MACROD2: variants seen among roughly 807,000 people sequenced by gnomAD.
The protein encoded by MACROD2 is ADP-ribose glycohydrolase MACROD2.
A neutral mutation model predicts 70.4 loss-of-function variants in MACROD2; 36 were observed. The ratio of observed to expected loss-of-function variants is 0.51; its 90% CI spans 0.39 to 0.68. The LOEUF is 0.68. Ranked by LOEUF, MACROD2 falls within the 30% of genes least tolerant of loss-of-function variation. The pLI is 0.00. For synonymous variants in MACROD2, 172 were observed against 178.8 expected, an observed-to-expected ratio of 0.96 and a Z score of 0.30; for missense variants, 496 against 538.4, an observed-to-expected ratio of 0.92 and a Z score of 0.78.
At chr20:15,933,249 T>G (rs1389772338) in intron 10 of MACROD2, 27 bp from the exon 11 acceptor site, 1 of 1,610,918 alleles carries the variant, frequency 6.2e-7, no homozygotes, top group East Asian at 2.2e-5. Flanking sequence ...TTGATGCATT[T>G]TTTTTCCTCT....
chr20:15,921,480 A>C (rs996190454), intron 10 of MACROD2, among the ~76,000 whole-genome samples: 2 of 151,692 alleles, frequency 1.3e-5, no homozygotes, highest in South Asian at 4.2e-4. Context: ...TCTTCACTCC[A>C]CCTGGAGCGA....
chr20:16,018,090 G>A (rs1438571866), intron 15 of MACROD2, among the ~76,000 whole-genome samples: 3 of 152,162 alleles, frequency 2.0e-5, no homozygotes, highest in Non-Finnish European at 2.9e-5. Flanking sequence ...CATTTCACTT[G>A]AGAGATGGGG....
At chr20:14,770,470 ATGT>A (rs1456113594) in intron 5 of MACROD2, among the ~76,000 whole-genome samples, 2 of 152,066 alleles carry the variant, frequency 1.3e-5, no homozygotes, top group East Asian at 3.9e-4. Context: ...TTTGTTCTAT[ATGT>A]TTATACTGAG....
At chr20:15,819,889 T>A (rs1279614879) in intron 8 of MACROD2, among the ~76,000 whole-genome samples, 1 of 152,182 alleles carries the variant, frequency 6.6e-6, no homozygotes, top group Non-Finnish European at 1.5e-5. Context: ...AATTTTGGAT[T>A]TTTGTTAAAT....
chr20:15,812,387 T>A (rs2063830301), intron 8 of MACROD2, among the ~76,000 whole-genome samples: 2 of 152,168 alleles, frequency 1.3e-5, no homozygotes, highest in South Asian at 4.1e-4. Context: ...TTACTTTGAA[T>A]AAATATGGAG....
chr20:15,502,133 A>G (rs2146495402), intron 8 of MACROD2, among the ~76,000 whole-genome samples: 1 of 152,368 alleles, frequency 6.6e-6, no homozygotes, highest in East Asian at 1.9e-4. Context: ...TAAAAAATAA[A>G]GAAATAGGGA....
chr20:14,216,457 C>T (rs1247465167), intron 3 of MACROD2, among the ~76,000 whole-genome samples: 1 of 151,956 alleles, frequency 6.6e-6, no homozygotes, highest in African/African-American at 2.4e-5. Context: ...CAGATTTGTT[C>T]TTTTTGCTTA....
intron 2 of MACROD2, among the ~76,000 whole-genome samples, chr20:14,005,207 C>T (rs954338099): frequency 2.0e-5 from 3 of 151,878 alleles, no homozygotes; most frequent in African/African-American, 7.3e-5. Flanking sequence ...TGACTTACCC[C>T]TTTGGTAATA....
chr20:14,458,944 T>A lies in MACROD2; in HGVS notation c.272-34535T>A, dbSNP rs568898992. ...TCTTTGAATTGTAGACTAGTTTACA[T>A]ACTTTATAAATAATCTAGGTTAATA... On this transcript the variant is annotated intron_variant, in intron 3 of 17. Transcript: ENST00000684519. Among the ~76,000 whole-genome samples, 59 of 152,222 alleles carry A rather than the reference T, an allele frequency of 3.9e-4. No homozygotes were observed. The South Asian group carries it at 0.011, about 29-fold the overall frequency.
intron 3 of MACROD2, chr20:14,127,830 C>A: frequency 2.2e-6 from 1 of 457,930 alleles, no homozygotes; most frequent in Non-Finnish European, 4.3e-6. Flanking sequence ...GAAAAAACAG[C>A]AATCAATAGC....
intron 6 of MACROD2, among the ~76,000 whole-genome samples, chr20:15,380,259 A>G (rs999677852): frequency 2.0e-5 from 3 of 152,182 alleles, no homozygotes; most frequent in Non-Finnish European, 2.9e-5. Flanking sequence ...GCAGGATGTT[A>G]GAATGAAAGT....
intron 7 of MACROD2, among the ~76,000 whole-genome samples, chr20:15,478,847 C>T (rs117271013): frequency 6.6e-6 from 1 of 152,278 alleles, no homozygotes; most frequent in East Asian, 1.9e-4. Context: ...AGTTTGGTTG[C>T]AAGGTGGCTG....
At chr20:14,511,654 G>A (rs1258630376) in intron 4 of MACROD2, among the ~76,000 whole-genome samples, 1 of 133,870 alleles carries the variant, frequency 7.5e-6, no homozygotes, top group East Asian at 2.3e-4. Flanking sequence ...ATATTTAAAC[G>A]CTATGTCTGT....
chr20:14,820,610 C>T (rs1439652091), intron 5 of MACROD2, among the ~76,000 whole-genome samples: 2 of 151,934 alleles, frequency 1.3e-5, no homozygotes, highest in Non-Finnish European at 2.9e-5. Context: ...AATATGAATC[C>T]AGGTATAGTG....
intron 3 of MACROD2, among the ~76,000 whole-genome samples, chr20:14,101,533 A>G (rs943386632): frequency 1.3e-5 from 2 of 152,106 alleles, no homozygotes; most frequent in African/African-American, 2.4e-5. Flanking sequence ...TCCAACTATA[A>G]AGCATTTAGG....
intron 8 of MACROD2, among the ~76,000 whole-genome samples, chr20:15,774,558 G>A (rs557107461): frequency 1.3e-5 from 2 of 152,144 alleles, no homozygotes; most frequent in East Asian, 1.9e-4. Context: ...TTCATGCTGA[G>A]TGTGAAAGAA....
intron 5 of MACROD2, among the ~76,000 whole-genome samples, chr20:14,745,781 G>A (rs967098510): frequency 1.3e-5 from 2 of 152,128 alleles, no homozygotes; most frequent in Non-Finnish European, 2.9e-5. Context: ...ATGTTGGAGA[G>A]GAGGTGTTAC....
chr20:14,730,442 T>C (rs2071581590), intron 5 of MACROD2, among the ~76,000 whole-genome samples: 1 of 152,082 alleles, frequency 6.6e-6, no homozygotes, highest in South Asian at 2.1e-4. Context: ...GGCAGGTCTC[T>C]CTCATGGCGT....
At chr20:14,017,378 G>A (rs1182009942) in intron 2 of MACROD2, among the ~76,000 whole-genome samples, 2 of 152,100 alleles carry the variant, frequency 1.3e-5, no homozygotes, top group Non-Finnish European at 2.9e-5. Context: ...ATAAGTGAAA[G>A]TGGACATCAT....
Sources: gnomAD v4.1 joint callset for allele counts (sites outside exome capture counted in the v4.1 genomes callset) on GRCh38, gnomAD v4.1.1 for gene constraint, MANE v1.5 for transcripts, NCBI Gene and HGNC (gene_info 2026-07-23, HGNC 2026-07-21) for gene names.